Variants in DRC7 observed in about 807,000 individuals in gnomAD.
DRC7 encodes the protein coiled-coil domain containing 135.
A neutral mutation model predicts 104.4 loss-of-function variants in DRC7; 80 were observed. The ratio of observed to expected loss-of-function variants is 0.77; its 90% CI spans 0.64 to 0.92. The LOEUF is 0.92. Among genes scored for constraint, DRC7 ranks in the 40% least tolerant of loss-of-function variants. DRC7 has a pLI of 0.00. For missense variants in DRC7, 1,034 were observed against 1,141.1 expected (o/e 0.91, Z 1.35); for synonymous variants, 405 against 447.3 (o/e 0.91, Z 1.19).
intron 12 of DRC7, among the ~76,000 whole-genome samples, chr16:57,724,035 G>T (rs934586457): frequency 6.6e-6 from 1 of 152,040 alleles, no homozygotes; most frequent in Non-Finnish European, 1.5e-5. Context: ...AAACGTGTAC[G>T]CTTTTGGCTG....
chr16:57,718,739 C>T (rs1395145849), intron 9 of DRC7, among the ~76,000 whole-genome samples: 5 of 152,178 alleles, frequency 3.3e-5, no homozygotes, highest in East Asian at 3.9e-4. Context: ...CCCCCCATAT[C>T]GTCCACCTTG....
rs71152293 is a variant in DRC7 at position 57,703,200 on chromosome 16, C to CAA, written c.699+1095_699+1096dup. ...GGCCCTCAAGGCCCCTTTTTAATAGCAAAAAAAAAAAAAAAAAAAAAAAAA... is the reference window on the plus strand; with the variant it reads ...GGCCCTCAAGGCCCCTTTTTAATAGCAAAAAAAAAAAAAAAAAAAAAAAAAAA... On this transcript the variant is annotated intron_variant, in intron 6 of 18. Coordinates refer to ENST00000360716, the MANE Select transcript of DRC7 (RefSeq NM_001289162.2). 6.1e-3 allele frequency among the ~76,000 whole-genome samples: 384 copies of CAA among 62,906 alleles called. 15 individuals are homozygous for CAA. The highest frequency in any genetic ancestry group is 0.016 in the African/African-American group (286 of 18,186). 41.3% of individuals were successfully genotyped at this position (62,906 alleles called of 152,430 possible).
chr16:57,719,595 G>A (rs994730286), intron 9 of DRC7, among the ~76,000 whole-genome samples: 4 of 152,060 alleles, frequency 2.6e-5, no homozygotes, highest in Admixed American at 6.6e-5. Context: ...CTGCAGCCTC[G>A]AACTCCTGGG....
chr16:57,714,080 T>C lies in DRC7; in HGVS notation c.1078-4267T>C, dbSNP rs754078033. The C allele has an allele frequency of 7.8e-5, 16 of 204,026 alleles. 1 individual carries two copies. Among genetic ancestry groups the C allele is most frequent in the Middle Eastern group, 2.1e-3 (1 of 486 alleles). The allele number at this position is 204,026 out of a possible 1,614,324, so 12.6% of individuals were successfully genotyped here. On this transcript the variant is annotated intron_variant, in intron 8 of 18. Transcript: ENST00000360716. Reference sequence around the variant, plus strand: ...TCATCTTCCTTTGACCGAGTTATCATGGAGATAACTCAAGTGATAATCACT... The same window carrying C: ...TCATCTTCCTTTGACCGAGTTATCACGGAGATAACTCAAGTGATAATCACT...
Position 57,731,163 on chromosome 16 carries a change from A to G in DRC7, c.2532-2A>G. ...CCTCTTTCCTTGCCTCTCTGACTTC[A>G]GACACAAGGAACTGGCCCCACTGAA... On this transcript the variant is annotated splice_acceptor_variant, in intron 18 of 18. Coordinates refer to ENST00000360716, the MANE Select transcript of DRC7 (RefSeq NM_001289162.2). LOFTEE classifies it high-confidence loss of function. The G allele has an allele frequency of 6.2e-7, 1 of 1,613,878 alleles. No homozygotes were observed. The highest frequency in any genetic ancestry group is 8.5e-7 in the Non-Finnish European group (1 of 1,179,964).
intron 8 of DRC7, 43 bp downstream of exon 8, chr16:57,707,721 G>A: frequency 1.9e-6 from 3 of 1,558,020 alleles, no homozygotes; most frequent in Non-Finnish European, 8.8e-7. Flanking sequence ...CAGGCACAGT[G>A]CAGGTGATAG....
intron 16 of DRC7, 105 bp from the exon 17 acceptor site, chr16:57,728,285 C>A: frequency 1.8e-6 from 2 of 1,109,570 alleles, no homozygotes; most frequent in South Asian, 1.9e-5. Context: ...GCACTGGAAC[C>A]TGGCTGTGAG....
chr16:57,704,013 A>G (rs1277552631), intron 6 of DRC7, among the ~76,000 whole-genome samples: 3 of 149,940 alleles, frequency 2.0e-5, no homozygotes, highest in Admixed American at 6.7e-5. Flanking sequence ...CCACCCGGGC[A>G]TCTCAGCTCT....
Position 57,699,030 on chromosome 16 carries a change from G to A in DRC7, c.378+6G>A. ...TGAACGAGTGTGAAGTGCCCGTAAG[G>A]CTGGCATGTTGAGGGCAGGGCTGGG... On this transcript the variant is annotated splice_donor_region_variant and intron_variant, in intron 4 of 18. Transcript: ENST00000360716. 6.2e-7 allele frequency: 1 copy of A among 1,613,346 alleles called. No homozygotes were observed. Among genetic ancestry groups the A allele is most frequent in the Non-Finnish European group, 8.5e-7 (1 of 1,179,626 alleles).
rs754171887 is a variant in DRC7, at chr16:57,731,253, G to A, written c.2620G>A (p.Ala874Thr). 8.7e-6 allele frequency: 14 copies of A among 1,612,662 alleles called. No homozygotes were observed. Among genetic ancestry groups the A allele is most frequent in the East Asian group, 4.5e-5 (2 of 44,886 alleles). ...CCTGGGGGAGCTCCAGAAAATATTC[G>A]CTTGATGTCCCTCCTGGGGCCTCAG... is the stretch of plus-strand genomic sequence containing the variant. ...PRLGELQKIF[A>T] The change falls in exon 19 of 19, where the codon GCT becomes ACT. Residue 874 changes from alanine (A) to threonine (T), a missense_variant. Transcript: ENST00000360716.
intron 1 of DRC7, among the ~76,000 whole-genome samples, chr16:57,695,751 C>T (rs1323978929): frequency 6.6e-6 from 1 of 152,348 alleles, no homozygotes; most frequent in East Asian, 1.9e-4. Context: ...CAGAAAATAT[C>T]TGCCCTCCCT....
intron 10 of DRC7, among the ~76,000 whole-genome samples, 158 bp downstream of exon 10, chr16:57,721,897 C>G (rs953868757): frequency 6.6e-6 from 1 of 152,030 alleles, no homozygotes; most frequent in African/African-American, 2.4e-5. Flanking sequence ...CCTCCCTCCC[C>G]CCTTCCTGCC....
chr16:57,695,876 G>A (rs2048587770), intron 1 of DRC7, among the ~76,000 whole-genome samples: 2 of 152,348 alleles, frequency 1.3e-5, no homozygotes, highest in South Asian at 4.1e-4. Flanking sequence ...GTGGCTGGTG[G>A]CCAGGGACTC....
intron 7 of DRC7, among the ~76,000 whole-genome samples, chr16:57,705,455 T>C (rs2048702688): frequency 7.4e-6 from 1 of 134,700 alleles, no homozygotes; most frequent in African/African-American, 2.8e-5. Flanking sequence ...TGATCTCTCC[T>C]CCCATTCATC....
At chr16:57,700,464 T>C (rs1246441509) in intron 5 of DRC7, among the ~76,000 whole-genome samples, 194 bp downstream of exon 5, 1 of 152,018 alleles carries the variant, frequency 6.6e-6, no homozygotes, top group Non-Finnish European at 1.5e-5. Context: ...CTGACCAACA[T>C]GGCGAAACCC....
Position 57,728,879 on chromosome 16 carries a change from T to C in DRC7, c.2391+295T>C, listed in dbSNP as rs140991424. Among the ~76,000 whole-genome samples the C allele has an allele frequency of 4.4e-4, 64 of 145,342 alleles. 2 individuals are homozygous for C. In the East Asian group the frequency reaches 0.014, roughly 32 times the overall value. ...ATGCATGGGTAGATGGATGAATAGA[T>C]AGATGGGTGGGTGGATTGATGGGTA... On this transcript the variant is annotated intron_variant, in intron 17 of 18. Coordinates refer to ENST00000360716, the MANE Select transcript of DRC7 (RefSeq NM_001289162.2).
chr16:57,719,228 G>A (rs2048877962), intron 9 of DRC7, among the ~76,000 whole-genome samples: 1 of 152,148 alleles, frequency 6.6e-6, no homozygotes, highest in Non-Finnish European at 1.5e-5. Context: ...CAGCCTTTAT[G>A]TGAAATGGAG....
chr16:57,701,071 T>C (rs2048652972), intron 5 of DRC7, among the ~76,000 whole-genome samples: 1 of 152,102 alleles, frequency 6.6e-6, no homozygotes, highest in Non-Finnish European at 1.5e-5. Context: ...GGCTAAACTT[T>C]TTTGGTTTGA....
intron 7 of DRC7, among the ~76,000 whole-genome samples, chr16:57,705,989 C>T (rs1403639488): frequency 1.4e-5 from 2 of 138,830 alleles, no homozygotes; most frequent in Non-Finnish European, 1.6e-5. Flanking sequence ...CACCATCCTC[C>T]CATCCATCCA....
Sources: gnomAD v4.1 joint callset for allele counts (sites outside exome capture counted in the v4.1 genomes callset) on GRCh38, gnomAD v4.1.1 for gene constraint, MANE v1.5 for transcripts, NCBI Gene and HGNC (gene_info 2026-07-23, HGNC 2026-07-21) for gene names.